The following LOC128462377 variants were observed in gnomAD, a reference collection of about 807,000 sequenced individuals.
chr16:89,348,888 A>C, the LOC128462377 span, among the ~76,000 whole-genome samples: 8 of 151,156 alleles, frequency 5.3e-5, no homozygotes, highest in Admixed American at 4.0e-4. Context: ...AAAAAAAAAA[A>C]ACACCCAGCC....
the LOC128462377 span, among the ~76,000 whole-genome samples, chr16:89,394,550 C>T: frequency 6.6e-6 from 1 of 152,122 alleles, no homozygotes; most frequent in Non-Finnish European, 1.5e-5. Flanking sequence ...ATCGCTTGAA[C>T]CCAGGAGGCG....
chr16:89,395,558 G>T, the LOC128462377 span: 1 of 152,316 alleles, frequency 6.6e-6, no homozygotes, highest in East Asian at 1.9e-4. Flanking sequence ...TCCCAGGAGG[G>T]GACCAATGGG....
chr16:89,359,607 T>C, the LOC128462377 span, among the ~76,000 whole-genome samples: 2 of 152,230 alleles, frequency 1.3e-5, no homozygotes, highest in African/African-American at 2.4e-5. Context: ...CTGTTATTAA[T>C]GGCACAGAGC....
the LOC128462377 span, among the ~76,000 whole-genome samples, chr16:89,390,503 C>G: frequency 7.2e-5 from 11 of 152,304 alleles, no homozygotes; most frequent in South Asian, 2.3e-3. Context: ...AAAGCCTGAA[C>G]ATTTCCACAT....
At chr16:89,401,167 C>A in the LOC128462377 span, among the ~76,000 whole-genome samples, 3 of 142,914 alleles carry the variant, frequency 2.1e-5, no homozygotes, top group African/African-American at 7.7e-5. Context: ...GATCTCGACT[C>A]ATTGCAACCT....
chr16:89,331,616 T>C, the LOC128462377 span, among the ~76,000 whole-genome samples: 1 of 151,896 alleles, frequency 6.6e-6, no homozygotes, highest in Admixed American at 6.6e-5. Flanking sequence ...ATTCAGGAGA[T>C]AGAGATTTAT....
the LOC128462377 span, among the ~76,000 whole-genome samples, chr16:89,382,230 A>G: frequency 6.6e-6 from 1 of 152,180 alleles, no homozygotes; most frequent in Non-Finnish European, 1.5e-5. Flanking sequence ...CCAGGGCAGG[A>G]GTGACCCAAG....
the LOC128462377 span, among the ~76,000 whole-genome samples, chr16:89,318,279 TCAC>T: frequency 1.3e-5 from 2 of 152,146 alleles, no homozygotes; most frequent in African/African-American, 4.8e-5. Context: ...CTAGGTTTGT[TCAC>T]CATCACAGCC....
At chr16:89,384,573 G>A in the LOC128462377 span, among the ~76,000 whole-genome samples, 1 of 151,812 alleles carries the variant, frequency 6.6e-6, no homozygotes, top group Non-Finnish European at 1.5e-5. Flanking sequence ...GACAGGATGG[G>A]ACGGGACGGG....
the LOC128462377 span, among the ~76,000 whole-genome samples, chr16:89,326,498 T>C: frequency 6.6e-6 from 1 of 151,950 alleles, no homozygotes; most frequent in East Asian, 1.9e-4. Flanking sequence ...TGGTCCCAGC[T>C]ACTCAGGAGG....
At chr16:89,353,596 G>T in the LOC128462377 span, among the ~76,000 whole-genome samples, 1 of 151,946 alleles carries the variant, frequency 6.6e-6, no homozygotes, top group Non-Finnish European at 1.5e-5. Context: ...TCCTGCCTCA[G>T]CCTCCCTAGT....
chr16:89,361,139 C>T, the LOC128462377 span, among the ~76,000 whole-genome samples: 1 of 152,192 alleles, frequency 6.6e-6, no homozygotes, highest in Non-Finnish European at 1.5e-5. Context: ...CTGGCTAGGC[C>T]CGTACTTCTT....
the LOC128462377 span, among the ~76,000 whole-genome samples, chr16:89,346,061 G>C: frequency 6.6e-6 from 1 of 151,748 alleles, no homozygotes; most frequent in East Asian, 1.9e-4. Flanking sequence ...GGCCAACATG[G>C]AATGACCCTG....
chr16:89,332,114 T>C, the LOC128462377 span, among the ~76,000 whole-genome samples: 1 of 151,864 alleles, frequency 6.6e-6, no homozygotes, highest in Non-Finnish European at 1.5e-5. Flanking sequence ...ATGGCAAGAT[T>C]CCATCTCCAT....
chr16:89,373,012 G>C, the LOC128462377 span: 1 of 152,224 alleles, frequency 6.6e-6, no homozygotes, highest in Non-Finnish European at 1.5e-5. Context: ...CACAGTACGT[G>C]CGTTCACTGC....
the LOC128462377 span, among the ~76,000 whole-genome samples, chr16:89,372,536 T>C: frequency 1.3e-5 from 2 of 152,030 alleles, no homozygotes; most frequent in African/African-American, 4.8e-5. Context: ...CACTGAAACA[T>C]GAGCTGATAA....
chr16:89,334,660 A>G, the LOC128462377 span, among the ~76,000 whole-genome samples: 1 of 152,126 alleles, frequency 6.6e-6, no homozygotes, highest in Non-Finnish European at 1.5e-5. Flanking sequence ...ATGAGGGGCC[A>G]CATCCACGAG....
chr16:89,369,767 C>A, the LOC128462377 span, among the ~76,000 whole-genome samples: 1 of 152,170 alleles, frequency 6.6e-6, no homozygotes, highest in Admixed American at 6.5e-5. Context: ...CTGTCTAAGA[C>A]CAGAGGGTTT....
chr16:89,353,722 C>T, the LOC128462377 span, among the ~76,000 whole-genome samples: 2 of 152,184 alleles, frequency 1.3e-5, no homozygotes, highest in African/African-American at 2.4e-5. Flanking sequence ...TCAGCTGATC[C>T]GCCTGCCTGG....
Sources: gnomAD v4.1 joint callset for allele counts (sites outside exome capture counted in the v4.1 genomes callset) on GRCh38, gnomAD v4.1.1 for gene constraint, MANE v1.5 for transcripts.